Variants in KIF16B observed in about 807,000 individuals in gnomAD.
The protein encoded by KIF16B is kinesin-like protein KIF16B.
In KIF16B, 98 loss-of-function variants were observed where a neutral mutation model predicts 156.3. The observed-to-expected ratio is 0.63, with a 90% CI of 0.53 to 0.74. KIF16B has a LOEUF of 0.74. KIF16B is among the 30% of genes least tolerant of loss of function. The pLI is 0.00. For synonymous variants in KIF16B, 564 were observed against 583.7 expected (o/e 0.97, Z 0.49); for missense variants, 1,421 against 1,606.5 (o/e 0.88, Z 1.97).
At chr20:16,440,852 G>A (rs1431796782) in intron 12 of KIF16B, among the ~76,000 whole-genome samples, 1 of 152,208 alleles carries the variant, frequency 6.6e-6, no homozygotes, top group Non-Finnish European at 1.5e-5. Context: ...TTGGCACACA[G>A]TTCAGAGAAG....
Position 16,512,865 on chromosome 20 carries a change from G to T in KIF16B, c.407C>A (p.Thr136Asn). 6.2e-7 allele frequency: 1 copy of T among 1,613,990 alleles called. No homozygotes were observed. The highest frequency in any genetic ancestry group is 1.1e-5 in the South Asian group (1 of 91,070). Reference protein sequence around the residue: ...CEGLFSRINETTRWDEASFRT... With the variant: ...CEGLFSRINENTRWDEASFRT... ...AAAAGAAGCTTCATCCCATCTGGTG[G>T]TTTCATTTATCCGACTGAAGAGTCC... Residue 136 changes from threonine to asparagine, a missense_variant, in exon 5 of 26, where the codon ACC becomes AAC. By Grantham distance (65) the Thr-to-Asn change is moderately conservative. Transcript: ENST00000354981.
intron 1 of KIF16B, among the ~76,000 whole-genome samples, chr20:16,555,769 C>T (rs6044112): frequency 0.2 from 30,261 of 152,076 alleles, 3,161 homozygotes; most frequent in African/African-American, 0.27. Context: ...AAAACAAAAA[C>T]AACCACAAAA....
At chr20:16,415,916 T>C (rs955688758) in intron 15 of KIF16B, among the ~76,000 whole-genome samples, 5 of 152,112 alleles carry the variant, frequency 3.3e-5, no homozygotes, top group African/African-American at 7.2e-5. Flanking sequence ...TAGTAGTTAT[T>C]TGAGGGCCTT....
At chr20:16,285,070 T>C (rs2063203626) in intron 25 of KIF16B, among the ~76,000 whole-genome samples, 1 of 152,214 alleles carries the variant, frequency 6.6e-6, no homozygotes, top group Non-Finnish European at 1.5e-5. Context: ...GCACTTAAAA[T>C]GTGGCTGGTG....
At chr20:16,327,180 T>A (rs2063869235) in intron 24 of KIF16B, among the ~76,000 whole-genome samples, 1 of 151,694 alleles carries the variant, frequency 6.6e-6, no homozygotes, top group Non-Finnish European at 1.5e-5. Context: ...GAGACCATTA[T>A]CCTAAGTGAA....
intron 12 of KIF16B, among the ~76,000 whole-genome samples, chr20:16,475,102 AG>A (rs776322762): frequency 1.5e-4 from 23 of 152,234 alleles, no homozygotes; most frequent in Admixed American, 3.9e-4. Context: ...ATTACTCTTA[AG>A]TTTCAGAAAT....
intron 12 of KIF16B, among the ~76,000 whole-genome samples, chr20:16,488,019 G>A (rs539124083): frequency 6.6e-6 from 1 of 152,214 alleles, no homozygotes; most frequent in East Asian, 1.9e-4. Context: ...CTCCAGCTAG[G>A]CATCTGCATG....
At chr20:16,303,553 A>T (rs1177877229) in intron 25 of KIF16B, among the ~76,000 whole-genome samples, 2 of 152,154 alleles carry the variant, frequency 1.3e-5, no homozygotes, top group Non-Finnish European at 2.9e-5. Flanking sequence ...CTCATTTTGA[A>T]TTTTTTTGTA....
At chr20:16,467,922 A>C (rs77647972) in intron 12 of KIF16B, among the ~76,000 whole-genome samples, 10,467 of 152,296 alleles carry the variant, frequency 0.069, 434 homozygotes, top group South Asian at 0.12. Flanking sequence ...TGCTCAATTA[A>C]AACCATAAAA....
chr20:16,351,498 C>T (rs982154718), intron 23 of KIF16B, among the ~76,000 whole-genome samples: 15 of 152,350 alleles, frequency 9.8e-5, no homozygotes, highest in Admixed American at 5.9e-4. Context: ...TGCTGTCATC[C>T]GGTTAATGGC....
At chr20:16,281,734 A>G (rs2122337687) in intron 25 of KIF16B, among the ~76,000 whole-genome samples, 1 of 152,240 alleles carries the variant, frequency 6.6e-6, no homozygotes, top group South Asian at 2.1e-4. Flanking sequence ...AAGAAGCAGT[A>G]AGCCAGGCCT....
chr20:16,414,274 C>G (rs2066031763), intron 15 of KIF16B, among the ~76,000 whole-genome samples: 1 of 151,990 alleles, frequency 6.6e-6, no homozygotes, highest in African/African-American at 2.4e-5. Flanking sequence ...TAAACAAATT[C>G]AAGCAGGACA....
At chr20:16,344,871 ACATTT>A (rs1410202563) in intron 23 of KIF16B, among the ~76,000 whole-genome samples, 1 of 152,164 alleles carries the variant, frequency 6.6e-6, no homozygotes, top group East Asian at 1.9e-4. Flanking sequence ...TCCTTTTAGC[ACATTT>A]CAAAATGATG....
chr20:16,495,016 T>C (rs1164915053), intron 11 of KIF16B, among the ~76,000 whole-genome samples: 1 of 152,208 alleles, frequency 6.6e-6, no homozygotes, highest in Non-Finnish European at 1.5e-5. Flanking sequence ...AATGGTAATG[T>C]TTTGTTAGTT....
intron 24 of KIF16B, among the ~76,000 whole-genome samples, chr20:16,329,924 C>T (rs1275878524): frequency 1.3e-5 from 2 of 152,160 alleles, no homozygotes; most frequent in Admixed American, 6.5e-5. Context: ...CAATAATGTT[C>T]GTATATGATT....
rs6043942 is a variant in KIF16B at position 16,433,233 on chromosome 20, T to A, written c.1303-3251A>T. 4.5e-3 allele frequency among the ~76,000 whole-genome samples: 680 copies of A among 152,234 alleles called. 7 individuals are homozygous for A. Among genetic ancestry groups the A allele is most frequent in the African/African-American group, 0.016 (656 of 41,540 alleles). On this transcript the variant is annotated intron_variant, in intron 12 of 25. Transcript: ENST00000354981. ...AACTGTGACCAAACTGCACACACAG[T>A]CAGTAGCCCCATGGCAATGAATTAT...
chr20:16,526,624 G>A (rs1600628633), intron 2 of KIF16B, among the ~76,000 whole-genome samples: 2 of 152,284 alleles, frequency 1.3e-5, no homozygotes, highest in East Asian at 3.9e-4. Flanking sequence ...TAGGTCAGAT[G>A]TCTCCTCTTT....
intron 19 of KIF16B, among the ~76,000 whole-genome samples, chr20:16,375,514 A>C (rs1338787810): frequency 2.0e-5 from 3 of 152,134 alleles, no homozygotes; most frequent in African/African-American, 7.2e-5. Flanking sequence ...TGCCCAGTTT[A>C]ACTCAGCCCT....
intron 12 of KIF16B, among the ~76,000 whole-genome samples, chr20:16,485,964 A>G (rs1329029495): frequency 6.6e-6 from 1 of 152,092 alleles, no homozygotes; most frequent in Non-Finnish European, 1.5e-5. Context: ...TTTAACTAAT[A>G]ATAGAACTGA....
Sources: allele counts gnomAD v4.1 joint callset (sites outside exome capture counted in the v4.1 genomes callset), GRCh38; gene constraint gnomAD v4.1.1; transcripts MANE v1.5; gene names NCBI Gene and HGNC (gene_info 2026-07-23, HGNC 2026-07-21).